The following CCDC146 variants were observed in gnomAD, a reference collection of about 807,000 sequenced individuals.
CCDC146 encodes coiled-coil domain-containing protein 146.
Under a neutral mutation model 119.3 loss-of-function variants are expected in CCDC146, and 92 were observed. The observed-to-expected ratio is 0.77, with a 90% CI of 0.65 to 0.92. The LOEUF is 0.92. Ranked by LOEUF, CCDC146 falls within the 40% of genes least tolerant of loss-of-function variation. CCDC146 has a pLI of 0.00. For synonymous variants in CCDC146, 372 were observed against 371.8 expected, an observed-to-expected ratio of 1.00 and a Z score of -0.01; for missense variants, 1,000 against 1,103.0, an observed-to-expected ratio of 0.91 and a Z score of 1.32.
chr7:77,193,611 G>T (rs150294115), intron 2 of CCDC146: 2 of 152,114 alleles, frequency 1.3e-5, no homozygotes, highest in Admixed American at 1.3e-4. Context: ...CTTATGTTTT[G>T]TATATTTAAG....
chr7:77,193,114 A>G (rs537068390), intron 2 of CCDC146, among the ~76,000 whole-genome samples: 1 of 152,262 alleles, frequency 6.6e-6, no homozygotes, highest in Admixed American at 6.5e-5. Flanking sequence ...TAAGGAGATG[A>G]AGAGGGCTAA....
Position 77,226,933 on chromosome 7 carries a change from C to G in CCDC146, c.157-10014C>G, listed in dbSNP as rs937080530. Among the ~76,000 whole-genome samples, 3 of 152,280 alleles carry G rather than the reference C, an allele frequency of 2.0e-5. No individual in the cohort carries two copies. In the South Asian group the frequency reaches 6.2e-4, roughly 32 times the overall value. On this transcript the variant is annotated intron_variant, in intron 2 of 18. Coordinates refer to ENST00000285871, the MANE Select transcript of CCDC146 (RefSeq NM_020879.3). ...AGTTTATAATTTCACAGAAAAGTCA[C>G]TTTTTGATGAATGTTGACGTCTAGA... is the stretch of plus-strand genomic sequence containing the variant.
At chr7:77,157,776 T>A (rs1791198832) in intron 1 of CCDC146, among the ~76,000 whole-genome samples, 2 of 152,184 alleles carry the variant, frequency 1.3e-5, no homozygotes, top group East Asian at 1.9e-4. Context: ...GTGGCCACCC[T>A]GTTTCTGTGG....
chr7:77,242,929 A>G (rs571276629), intron 4 of CCDC146, among the ~76,000 whole-genome samples: 1 of 152,250 alleles, frequency 6.6e-6, no homozygotes, highest in African/African-American at 2.4e-5. Context: ...AGTTTAATCA[A>G]GAGATCCTAT....
chr7:77,256,719 G>A (rs116929256), intron 6 of CCDC146, among the ~76,000 whole-genome samples: 3,229 of 152,152 alleles, frequency 0.021, 41 homozygotes, highest in Middle Eastern at 0.048. Context: ...TCGATAATTC[G>A]GAGCCCTCAC....
chr7:77,241,946 T>C (rs1383063433), intron 4 of CCDC146, 46 bp downstream of exon 4: 1 of 1,454,790 alleles, frequency 6.9e-7, no homozygotes, highest in East Asian at 2.3e-5. Context: ...CTTTTCCTCA[T>C]AAATAGAAAA....
intron 1 of CCDC146, among the ~76,000 whole-genome samples, chr7:77,124,822 T>A (rs1210449091): frequency 1.3e-5 from 2 of 152,228 alleles, no homozygotes; most frequent in African/African-American, 4.8e-5. Context: ...CTTTTGGGGA[T>A]GTAAGCATAA....
intron 3 of CCDC146, among the ~76,000 whole-genome samples, chr7:77,238,217 C>T (rs1473330769): frequency 6.6e-6 from 1 of 152,148 alleles, no homozygotes; most frequent in African/African-American, 2.4e-5. Context: ...TTCCATTCCC[C>T]CGTAGCTGGT....
At chr7:77,206,550 T>C (rs1179498190) in intron 2 of CCDC146, among the ~76,000 whole-genome samples, 1 of 151,772 alleles carries the variant, frequency 6.6e-6, no homozygotes, top group Non-Finnish European at 1.5e-5. Flanking sequence ...GGAAAATCGC[T>C]TGAACCCAAG....
intron 1 of CCDC146, among the ~76,000 whole-genome samples, chr7:77,161,763 T>G (rs1290348578): frequency 6.6e-6 from 1 of 151,808 alleles, no homozygotes; most frequent in African/African-American, 2.4e-5. Context: ...ATTGTGCACA[T>G]GTACCCTAAA....
At chr7:77,246,572 G>A (rs1792955588) in intron 4 of CCDC146, 2 of 152,080 alleles carry the variant, frequency 1.3e-5, no homozygotes, top group African/African-American at 4.8e-5. Flanking sequence ...ACAGAAACAT[G>A]TTTTTGCCCC....
chr7:77,151,807 T>C (rs1321501239), intron 1 of CCDC146, among the ~76,000 whole-genome samples: 2 of 152,150 alleles, frequency 1.3e-5, no homozygotes, highest in Non-Finnish European at 2.9e-5. Flanking sequence ...GACATAGGTC[T>C]CAATGGTGGC....
At position 77,287,464 on chromosome 7, in the gene CCDC146, GAGGAGAAGC is replaced by G; in HGVS notation, c.2303_2311del (p.Glu768_Leu771delinsVal). 1 of 1,614,078 alleles carries G rather than the reference GAGGAGAAGC, an allele frequency of 6.2e-7. No homozygotes were observed. Among genetic ancestry groups the G allele is most frequent in the Non-Finnish European group, 8.5e-7 (1 of 1,179,984 alleles). ...GCTGGAACTACAACTGGCCAAGAAG[GAGGAGAAGC>G]TGCTGGAGAAGGATTTCATCTATGA... On this transcript the variant is annotated inframe_deletion, in exon 17 of 19. Transcript: ENST00000285871.
chr7:77,286,974 A>G lies in CCDC146; in HGVS notation c.2277+48A>G, dbSNP rs746028744. ...GCATCTGTTAGCTCCTCGTTGATGT[A>G]GTTTCACAGATACCTATGGTACTGT... On this transcript the variant is annotated intron_variant, in intron 16 of 18. Coordinates refer to ENST00000285871, the MANE Select transcript of CCDC146 (RefSeq NM_020879.3). 9.4e-6 allele frequency: 15 copies of G among 1,598,000 alleles called. No homozygotes were observed. The African/African-American group carries it at 2.0e-4, about 21-fold the overall frequency.
intron 2 of CCDC146, among the ~76,000 whole-genome samples, chr7:77,222,941 C>G (rs563549574): frequency 1.3e-5 from 2 of 152,342 alleles, no homozygotes; most frequent in African/African-American, 4.8e-5. Flanking sequence ...TGACTTTATT[C>G]TAGTGGTTTT....
At chr7:77,159,259 T>C (rs1459149069) in intron 1 of CCDC146, among the ~76,000 whole-genome samples, 3 of 152,080 alleles carry the variant, frequency 2.0e-5, no homozygotes, top group Non-Finnish European at 4.4e-5. Context: ...TCAAAACTTA[T>C]TTATCTTGCA....
intron 1 of CCDC146, among the ~76,000 whole-genome samples, chr7:77,162,286 G>T (rs1791274288): frequency 6.6e-6 from 1 of 151,870 alleles, no homozygotes; most frequent in South Asian, 2.1e-4. Context: ...CAGATCTCAT[G>T]TTTAATTCTT....
intron 9 of CCDC146, among the ~76,000 whole-genome samples, chr7:77,266,554 T>C (rs1421945457): frequency 6.6e-6 from 1 of 152,214 alleles, no homozygotes; most frequent in East Asian, 1.9e-4. Context: ...CCTTCCTTTA[T>C]ACATATGAAC....
At chr7:77,257,397 A>G (rs1346911766) in intron 6 of CCDC146, 2 of 152,178 alleles carry the variant, frequency 1.3e-5, no homozygotes, top group Admixed American at 6.5e-5. Context: ...GATAATGGTG[A>G]TACACTTTGA....
Sources: gnomAD v4.1 joint callset for allele counts (sites outside exome capture counted in the v4.1 genomes callset) on GRCh38, gnomAD v4.1.1 for gene constraint, MANE v1.5 for transcripts, NCBI Gene and HGNC (gene_info 2026-07-23, HGNC 2026-07-21) for gene names.